KCNK17: variants seen among roughly 807,000 people sequenced by gnomAD.
KCNK17 encodes the protein potassium channel subfamily K member 17.
Under a neutral mutation model 24.6 loss-of-function variants are expected in KCNK17, and 27 were observed. The ratio of observed to expected loss-of-function variants is 1.10; its 90% CI spans 0.81 to 1.51. The LOEUF is 1.51. Ranked by LOEUF, KCNK17 falls within the 40% of genes most tolerant of loss-of-function variation. The probability of loss-of-function intolerance (pLI) is 0.00; values close to 1 mark genes in which losing one functional copy is unlikely to be tolerated. For synonymous variants in KCNK17, 181 were observed against 189.8 expected (o/e 0.95, Z 0.38); for missense variants, 450 against 436.6 (o/e 1.03, Z -0.27).
chr6:39,310,770 G>T, intron 2 of KCNK17, 123 bp downstream of exon 2: 1 of 636,954 alleles, frequency 1.6e-6, no homozygotes, highest in Non-Finnish European at 2.7e-6. Flanking sequence ...ATGCTGCAGA[G>T]CTGAACTGCA....
Position 39,304,008 on chromosome 6 carries a change from A to G in KCNK17, c.637T>C (p.Tyr213His), listed in dbSNP as rs1761989431. 1 of 1,613,928 alleles carries G rather than the reference A, an allele frequency of 6.2e-7. No homozygotes were observed. Residue 213 changes from tyrosine (Y) to histidine (H), a missense_variant, in exon 4 of 5, where the codon TAC (tyrosine) becomes CAC (histidine). Coordinates refer to ENST00000373231, the MANE Select transcript of KCNK17 (RefSeq NM_031460.4). ...GTGCTGAGGGTGATGAAGGCGAAGTAGAAGCCCTCTGTGTAGCTCCAGCCC... is the reference window on the plus strand; with the variant it reads ...GTGCTGAGGGTGATGAAGGCGAAGTGGAAGCCCTCTGTGTAGCTCCAGCCC... ...MEGWSYTEGF[Y>H]FAFITLSTVG...
rs571886211 is a variant in KCNK17 at position 39,303,174 on chromosome 6, G to A, written c.688+783C>T. On this transcript the variant is annotated intron_variant, in intron 4 of 4. Coordinates refer to ENST00000373231, the MANE Select transcript of KCNK17 (RefSeq NM_031460.4). Reference sequence around the variant, plus strand: ...TCATTCTTCCAGGCTGGGTTCTGTCGCTGAAGAAGTGAAGAAGGGCAAGGC... The same window carrying A: ...TCATTCTTCCAGGCTGGGTTCTGTCACTGAAGAAGTGAAGAAGGGCAAGGC... Among the ~76,000 whole-genome samples the A allele has an allele frequency of 2.6e-5, 4 of 152,328 alleles. No homozygotes were observed. In the East Asian group the frequency reaches 5.8e-4, roughly 22 times the overall value.
rs1228580236 is a variant in KCNK17, at chr6:39,310,922, A to G, written c.323T>C (p.Phe108Ser). 1.9e-6 allele frequency: 3 copies of G among 1,605,224 alleles called. No homozygotes were observed. Among genetic ancestry groups the G allele is most frequent in the Non-Finnish European group, 2.6e-6 (3 of 1,173,724 alleles). Residue 108 changes from phenylalanine (F) to serine (S), a missense_variant, in exon 2 of 5, where the codon TTC becomes TCC. Transcript: ENST00000373231. ...MGRWELVGSF[F>S]FSVSTITTIG... is the part of the protein sequence containing the mutation. ...GGTGGTGATGGTGGACACAGAAAAG[A>G]AGAAGGAGCCCACGAGCTCCCAGCG... is the stretch of plus-strand genomic sequence containing the variant.
At chr6:39,304,871 C>G (rs767202055) in intron 2 of KCNK17, among the ~76,000 whole-genome samples, 20 of 152,238 alleles carry the variant, frequency 1.3e-4, no homozygotes, top group Admixed American at 6.5e-5. Context: ...AACCACCCTT[C>G]CAAATCAGAA....
chr6:39,311,119 CAA>C (rs1491368438), intron 1 of KCNK17, 112 bp from the exon 2 acceptor site: 77 of 526,428 alleles, frequency 1.5e-4, no homozygotes, highest in East Asian at 7.7e-4. Context: ...CACACACACA[CAA>C]ACAAACCTAC....
intron 2 of KCNK17, among the ~76,000 whole-genome samples, chr6:39,306,080 C>G (rs181407290): frequency 6.8e-6 from 1 of 147,858 alleles, no homozygotes; most frequent in Non-Finnish European, 1.5e-5. Context: ...GTTTCGCTCT[C>G]TTGCCCAGGC....
intron 4 of KCNK17, among the ~76,000 whole-genome samples, chr6:39,302,584 C>A (rs1761965571): frequency 6.6e-6 from 1 of 152,180 alleles, no homozygotes; most frequent in Admixed American, 6.5e-5. Flanking sequence ...AGTGCCCAAC[C>A]TGTGCAGCTA....
At chr6:39,300,559 A>G (rs545387148) in intron 4 of KCNK17, 4 of 1,546,946 alleles carry the variant, frequency 2.6e-6, no homozygotes, top group East Asian at 4.9e-5. Context: ...CAATGGAACC[A>G]TAAGAATATG....
chr6:39,300,191 C>T (rs899071311), intron 4 of KCNK17, among the ~76,000 whole-genome samples: 1 of 152,158 alleles, frequency 6.6e-6, no homozygotes, highest in Non-Finnish European at 1.5e-5. Context: ...GGCGTGATCT[C>T]GGCTCACTGC....
At chr6:39,304,426 C>A (rs906784081) in intron 3 of KCNK17, 69 bp downstream of exon 3, 2 of 1,392,592 alleles carry the variant, frequency 1.4e-6, no homozygotes, top group African/African-American at 1.4e-5. Context: ...TCATTAGTAA[C>A]CCCAATTCCC....
At chr6:39,303,697 G>A (rs947925213) in intron 4 of KCNK17, among the ~76,000 whole-genome samples, 2 of 152,154 alleles carry the variant, frequency 1.3e-5, no homozygotes, top group Non-Finnish European at 2.9e-5. Flanking sequence ...GAGGGAGGCG[G>A]GGACTCCCGT....
chr6:39,300,504 A>G (rs1761934774), intron 4 of KCNK17: 4 of 1,551,262 alleles, frequency 2.6e-6, no homozygotes, highest in South Asian at 1.2e-5. Flanking sequence ...GTTTTCTCGT[A>G]TCTGAAATGA....
At chr6:39,302,376 G>A (rs1423680773) in intron 4 of KCNK17, among the ~76,000 whole-genome samples, 1 of 151,740 alleles carries the variant, frequency 6.6e-6, no homozygotes, top group African/African-American at 2.4e-5. Context: ...GTAGGAGGGG[G>A]GTTACAGATT....
At chr6:39,313,599 C>T (rs1334894781) in intron 1 of KCNK17, among the ~76,000 whole-genome samples, 1 of 152,228 alleles carries the variant, frequency 6.6e-6, no homozygotes, top group Admixed American at 6.5e-5. Flanking sequence ...GCTCCCAGTT[C>T]GCAAACGTGC....
chr6:39,305,192 G>A (rs760236893), intron 2 of KCNK17, among the ~76,000 whole-genome samples: 1 of 152,198 alleles, frequency 6.6e-6, no homozygotes, highest in Non-Finnish European at 1.5e-5. Context: ...CCCATGGCCT[G>A]GCCCAGACTT....
chr6:39,303,440 G>A (rs906297630), intron 4 of KCNK17, among the ~76,000 whole-genome samples: 7 of 152,358 alleles, frequency 4.6e-5, no homozygotes, highest in African/African-American at 1.4e-4. Flanking sequence ...AGGTTGGGTT[G>A]TGCCACTGAT....
chr6:39,304,077 G>T lies in KCNK17; in HGVS notation c.568C>A (p.Leu190Met). The T allele has an allele frequency of 6.2e-7, 1 of 1,612,956 alleles. No homozygotes were observed. Among genetic ancestry groups the T allele is most frequent in the Non-Finnish European group, 8.5e-7 (1 of 1,180,014 alleles). ...AGCGGTGGCAGCAGCAGGAAGAGCA[G>T]GAGGCCCGAGAGGAGGGCGCCAGAG... ...AGSGALLSGL[L>M]LFLLLPPLLF... is the part of the protein sequence containing the mutation. Residue 190 changes from leucine to methionine, a missense_variant, in exon 4 of 5, where the codon CTG becomes ATG. Transcript: ENST00000373231.
intron 2 of KCNK17, among the ~76,000 whole-genome samples, chr6:39,309,998 TG>T (rs1041640854): frequency 2.0e-5 from 3 of 152,188 alleles, no homozygotes; most frequent in Admixed American, 1.3e-4. Flanking sequence ...GAGAATCCTC[TG>T]GGTGCTCTTG....
At chr6:39,301,184 A>G (rs79714991) in intron 4 of KCNK17, among the ~76,000 whole-genome samples, 134 of 152,256 alleles carry the variant, frequency 8.8e-4, no homozygotes, top group African/African-American at 3.2e-3. Flanking sequence ...TCTTAGATAA[A>G]TCTTGCCAAG....
Sources: allele counts gnomAD v4.1 joint callset (sites outside exome capture counted in the v4.1 genomes callset), GRCh38; gene constraint gnomAD v4.1.1; transcripts MANE v1.5; gene names NCBI Gene and HGNC (gene_info 2026-07-23, HGNC 2026-07-21).